PCDHGA8: variants seen among roughly 807,000 people sequenced by gnomAD.
PCDHGA8 encodes protocadherin gamma-A8.
Under a neutral mutation model 59.2 loss-of-function variants are expected in PCDHGA8, and 45 were observed. The observed-to-expected ratio is 0.76, with a 90% CI of 0.60 to 0.98. The LOEUF is 0.98. PCDHGA8 is among the 50% of genes least tolerant of loss of function. The pLI, the probability that PCDHGA8 is intolerant of heterozygous loss-of-function variation, is 0.00. For synonymous variants in PCDHGA8, 531 were observed against 519.0 expected, an observed-to-expected ratio of 1.02 and a Z score of -0.32; for missense variants, 1,257 against 1,196.2, an observed-to-expected ratio of 1.05 and a Z score of -0.75.
chr5:141,470,721 AG>A (rs948288535), intron 1 of PCDHGA8, among the ~76,000 whole-genome samples: 2 of 152,098 alleles, frequency 1.3e-5, no homozygotes, highest in African/African-American at 4.8e-5. Flanking sequence ...TTTTTGAGTC[AG>A]GGTCTTGCTC....
In PCDHGA8 at chr5:141,485,569, T is replaced by C; in HGVS notation, c.2425-9238T>C. The C allele has an allele frequency of 6.2e-7, 1 of 1,612,664 alleles. No individual in the cohort carries two copies. Among genetic ancestry groups the C allele is most frequent in the Non-Finnish European group, 8.5e-7 (1 of 1,178,890 alleles). ...TAGATGTGAATGATCACGCCCCCCG[T>C]TTTCCGCGGCAGCAGCTGGACTTGG... On this transcript the variant is annotated intron_variant, in intron 1 of 3. Coordinates refer to ENST00000398604, the MANE Select transcript of PCDHGA8 (RefSeq NM_032088.2). This position sits in a 1 kb window ranked among gnomAD's most constrained non-coding sequence, Gnocchi z 5.7.
chr5:141,393,894 C>G lies in PCDHGA8; in HGVS notation c.1081C>G (p.Leu361Val), dbSNP rs201697840. 1.3e-3 allele frequency: 2,063 copies of G among 1,614,000 alleles called. 4 individuals are homozygous for G. Among genetic ancestry groups the G allele is most frequent in the Non-Finnish European group, 1.6e-3 (1,902 of 1,179,890 alleles). Residue 361 changes from leucine (L) to valine (V), a missense_variant, in exon 1 of 4, where the codon CTT becomes GTT. Transcript: ENST00000398604. ...GTTTAGCCCAGTGTTAGAAAATTCT[C>G]TTCCCGGGACAGTAATTGCCTTCTT... ...SLFSPVLENSLPGTVIAFLSV... is the reference protein window; with the variant it reads ...SLFSPVLENSVPGTVIAFLSV...
Position 141,476,472 on chromosome 5 carries a change from T to C in PCDHGA8, c.2425-18335T>C. On this transcript the variant is annotated intron_variant, in intron 1 of 3. Coordinates refer to ENST00000398604, the MANE Select transcript of PCDHGA8 (RefSeq NM_032088.2). The surrounding 1 kb of genome is among the most constrained non-coding windows in gnomAD (Gnocchi z 7.6). The stretch of plus-strand genomic sequence containing the variant: ...GTAGTGGAGAACCCGCTGGAGCTGT[T>C]CAGCGTGGAAGTGGTGATCCAGGAC... 1 of 1,614,098 alleles carries C rather than the reference T, an allele frequency of 6.2e-7. No homozygotes were observed. The highest frequency in any genetic ancestry group is 8.5e-7 in the Non-Finnish European group (1 of 1,180,024).
chr5:141,476,229 C>A lies in PCDHGA8; in HGVS notation c.2425-18578C>A, dbSNP rs761790915. The A allele has an allele frequency of 1.9e-6, 3 of 1,613,872 alleles. No homozygotes were observed. The South Asian group carries it at 3.3e-5, about 18-fold the overall frequency. ...TCCACGGTCATTCACTATGAGATCC[C>A]GGAGGAAAGAGAGAAGGGTTTCGCT... On this transcript the variant is annotated intron_variant, in intron 1 of 3. Transcript: ENST00000398604. This position sits in a 1 kb window ranked among gnomAD's most constrained non-coding sequence, Gnocchi z 7.6.
At chr5:141,415,198 G>T in intron 1 of PCDHGA8, 2 of 1,614,038 alleles carry the variant, frequency 1.2e-6, no homozygotes, top group Non-Finnish European at 1.7e-6. Context: ...CATCCCCCAA[G>T]TCCTGGCGGA....
At chr5:141,418,265 G>A (rs2096242953) in intron 1 of PCDHGA8, 1 of 1,614,062 alleles carries the variant, frequency 6.2e-7, no homozygotes, top group East Asian at 2.2e-5. Context: ...ATTCCGGAAA[G>A]ATGAAATAAA....
At position 141,477,576 on chromosome 5, in the gene PCDHGA8, C is replaced by A; in HGVS notation, c.2425-17231C>A. The A allele has an allele frequency of 6.2e-7, 1 of 1,614,162 alleles. No homozygotes were observed. The highest frequency in any genetic ancestry group is 8.5e-7 in the Non-Finnish European group (1 of 1,180,026). On this transcript the variant is annotated intron_variant, in intron 1 of 3. Transcript: ENST00000398604. The surrounding 1 kb of genome is among the most constrained non-coding windows in gnomAD (Gnocchi z 4.9). ...CTAAGTGTCTGGGACCCCGACGCCC[C>A]GCAGAATGCTCGGCTTTCTTTCTTT...
chr5:141,412,898 C>T (rs1300324880), intron 1 of PCDHGA8: 2 of 361,136 alleles, frequency 5.5e-6, no homozygotes, highest in Non-Finnish European at 9.8e-6. Context: ...AGTTTACTTT[C>T]CATTGCATGT....
chr5:141,432,133 C>G lies in PCDHGA8; in HGVS notation c.2424+36896C>G. ...CGGTCTTCCCTCAGGCCTCCTATTC[C>G]GCTTATATCCCAGAGAACAATCCCA... On this transcript the variant is annotated intron_variant, in intron 1 of 3. Transcript: ENST00000398604. The surrounding 1 kb of genome is among the most constrained non-coding windows in gnomAD (Gnocchi z 6.0). 1 of 1,614,142 alleles carries G rather than the reference C, an allele frequency of 6.2e-7. No homozygotes were observed. The highest frequency in any genetic ancestry group is 1.1e-5 in the South Asian group (1 of 91,070).
At chr5:141,433,398 T>TCTAC (rs1487149690) in intron 1 of PCDHGA8, among the ~76,000 whole-genome samples, 2 of 151,396 alleles carry the variant, frequency 1.3e-5, no homozygotes, top group Non-Finnish European at 2.9e-5. Context: ...TATCTATCTA[T>TCTAC]CTATCTATTA....
rs539878473 is a variant in PCDHGA8 at position 141,501,595 on chromosome 5, C to T, written c.2484-3798C>T. Reference sequence around the variant, plus strand: ...GCTGGCTTTCAGGTTGCAACTCTACCAGTTCCAGCTGTGTGACTCTGGTAT... The same window carrying T: ...GCTGGCTTTCAGGTTGCAACTCTACTAGTTCCAGCTGTGTGACTCTGGTAT... On this transcript the variant is annotated intron_variant, in intron 2 of 3. Coordinates refer to ENST00000398604, the MANE Select transcript of PCDHGA8 (RefSeq NM_032088.2). Among the ~76,000 whole-genome samples the T allele has an allele frequency of 9.9e-5, 15 of 152,164 alleles. No homozygotes were observed. In the East Asian group the frequency reaches 2.9e-3, roughly 30 times the overall value.
chr5:141,403,791 A>C (rs1265792011), intron 1 of PCDHGA8: 4 of 1,613,782 alleles, frequency 2.5e-6, no homozygotes, highest in Non-Finnish European at 3.4e-6. Flanking sequence ...GTGGCATACA[A>C]ATTCTGGAAA....
At position 141,511,140 on chromosome 5, in the gene PCDHGA8, C is replaced by G. The variant is rs1405623579; in HGVS notation, c.2766C>G (p.Asn922Lys). Residue 922 changes from asparagine (N) to lysine (K), a missense_variant, in exon 4 of 4, where the codon AAC becomes AAG. Physicochemically the swap from Asn to Lys is moderately conservative, Grantham distance 94. Transcript: ENST00000398604. ...AGGCCCCAGCAGGTGGCAATGGCAACAAGAAGAAGTCGGGCAAGAAGGAGA... is the reference window on the plus strand; with the variant it reads ...AGGCCCCAGCAGGTGGCAATGGCAAGAAGAAGAAGTCGGGCAAGAAGGAGA... Reference protein sequence around the residue: ...DGKAPAGGNGNKKKSGKKEKK With the variant: ...DGKAPAGGNGKKKKSGKKEKK 2.5e-6 allele frequency: 4 copies of G among 1,614,068 alleles called. No homozygotes were observed. Among genetic ancestry groups the G allele is most frequent in the Admixed American group, 1.7e-5 (1 of 60,008 alleles).
At chr5:141,426,858 T>C (rs898486771) in intron 1 of PCDHGA8, 1 of 456,574 alleles carries the variant, frequency 2.2e-6, no homozygotes, top group Non-Finnish European at 4.4e-6. Context: ...CGCTCCAGAA[T>C]TAGTGCTGGA....
chr5:141,398,497 G>A, intron 1 of PCDHGA8: 1 of 1,570,856 alleles, frequency 6.4e-7, no homozygotes, highest in Non-Finnish European at 8.6e-7. Context: ...TGTGGAGATC[G>A]AGGACATTAA....
At chr5:141,417,703 C>A in intron 1 of PCDHGA8, 1 of 1,205,130 alleles carries the variant, frequency 8.3e-7, no homozygotes, top group Non-Finnish European at 1.1e-6. Context: ...AGCTCCCACA[C>A]AGAGGCTCCC....
intron 1 of PCDHGA8, among the ~76,000 whole-genome samples, chr5:141,483,644 G>GTGTT (rs919432945): frequency 6.8e-6 from 1 of 146,522 alleles, no homozygotes; most frequent in Non-Finnish European, 1.5e-5. Flanking sequence ...AGAGGGGTGT[G>GTGTT]TGTTTGTGTG....
chr5:141,405,353 A>G lies in PCDHGA8; in HGVS notation c.2424+10116A>G, dbSNP rs187461819. 6.9e-5 allele frequency: 112 copies of G among 1,614,026 alleles called. No homozygotes were observed. Among genetic ancestry groups the G allele is most frequent in the Admixed American group, 5.8e-4 (35 of 60,010 alleles). On this transcript the variant is annotated intron_variant, in intron 1 of 3. Coordinates refer to ENST00000398604, the MANE Select transcript of PCDHGA8 (RefSeq NM_032088.2). Reference sequence around the variant, plus strand: ...CGTCTCTGTTGATTCCAAGTTTCCTATAGAAGACACCCCTTTGGTTCCGGT... The same window carrying G: ...CGTCTCTGTTGATTCCAAGTTTCCTGTAGAAGACACCCCTTTGGTTCCGGT...
Position 141,476,437 on chromosome 5 carries a change from TCTGGAGTTGGTAGTGGAGAACCC to T in PCDHGA8, c.2425-18369_2425-18347del. ...GGACACTGCCCTCTTGCACTGTAAC[TCTGGAGTTGGTAGTGGAGAACCC>T]GCTGGAGCTGTTCAGCGTGGAAGTG... On this transcript the variant is annotated intron_variant, in intron 1 of 3. Transcript: ENST00000398604. The surrounding 1 kb of genome is among the most constrained non-coding windows in gnomAD (Gnocchi z 7.6). 1 of 1,614,004 alleles carries T rather than the reference TCTGGAGTTGGTAGTGGAGAACCC, an allele frequency of 6.2e-7. No individual in the cohort carries two copies. The highest frequency in any genetic ancestry group is 2.2e-5 in the East Asian group (1 of 44,836).
Sources: gnomAD v4.1 joint callset for allele counts (sites outside exome capture counted in the v4.1 genomes callset) on GRCh38, gnomAD v4.1.1 for gene constraint, Gnocchi (gnomAD v3.1) non-coding constraint, MANE v1.5 for transcripts, NCBI Gene and HGNC (gene_info 2026-07-23, HGNC 2026-07-21) for gene names.